Variants in MYO1C observed in about 807,000 individuals in gnomAD.
MYO1C encodes unconventional myosin-Ic.
A neutral mutation model predicts 150.8 loss-of-function variants in MYO1C; 104 were observed. The ratio of observed to expected loss-of-function variants is 0.69; its 90% CI spans 0.59 to 0.81. The LOEUF is 0.81. Among genes scored for constraint, MYO1C ranks in the 30% least tolerant of loss-of-function variants. The probability of loss-of-function intolerance (pLI) is 0.00; values close to 1 mark genes in which losing one functional copy is unlikely to be tolerated. For missense variants in MYO1C, 1,504 were observed against 1,435.0 expected, an observed-to-expected ratio of 1.05 and a Z score of -0.78; for synonymous variants, 663 against 579.9, an observed-to-expected ratio of 1.14 and a Z score of -2.06.
intron 1 of MYO1C, chr17:1,484,642 T>G (rs932528945): frequency 1.0e-5 from 5 of 491,948 alleles, no homozygotes; most frequent in African/African-American, 9.8e-5. Flanking sequence ...AGGTGCTGGT[T>G]TTGGGTGGAG....
At chr17:1,486,212 C>G (rs1404334487) in intron 1 of MYO1C, 1 of 152,258 alleles carries the variant, frequency 6.6e-6, no homozygotes, top group African/African-American at 2.4e-5. Flanking sequence ...GGCCGGCGCG[C>G]CCGGCGGGCG....
chr17:1,491,555 A>C (rs959434874), intron 1 of MYO1C: 1 of 873,698 alleles, frequency 1.1e-6, no homozygotes, highest in Non-Finnish European at 1.3e-6. Flanking sequence ...CCCGCTCCCC[A>C]CACCCGCCCC....
At position 1,484,318 on chromosome 17, in the gene MYO1C, C is replaced by A; in HGVS notation, c.76-15G>T. The A allele has an allele frequency of 6.2e-7, 1 of 1,607,654 alleles. No individual in the cohort carries two copies. Among genetic ancestry groups the A allele is most frequent in the Non-Finnish European group, 8.5e-7 (1 of 1,179,980 alleles). On this transcript the variant is annotated splice_polypyrimidine_tract_variant and intron_variant, in intron 1 of 31. Coordinates refer to ENST00000648651, the MANE Select transcript of MYO1C (RefSeq NM_001080779.2). ...CTGCCCAGGGCCTGCAGAGAATGGG[C>A]CACAGAAGAGGGTCAGAGTCATCGG...
Position 1,471,996 on chromosome 17 carries a change from G to A in MYO1C, c.1932C>T (p.His644=). The A allele has an allele frequency of 6.2e-7, 1 of 1,614,070 alleles. No individual in the cohort carries two copies. Among genetic ancestry groups the A allele is most frequent in the Non-Finnish European group, 8.5e-7 (1 of 1,179,996 alleles). The part of the protein sequence containing the change: ...PGRFDEVLIR[H]QVKYLGLLEN... Reference sequence around the variant, plus strand: ...CCAACAGCCCCAGGTACTTCACCTGGTGGCGGATCAGCACCTCGTCAAAGC... The same window carrying A: ...CCAACAGCCCCAGGTACTTCACCTGATGGCGGATCAGCACCTCGTCAAAGC... Residue 644 remains histidine, a synonymous_variant, in exon 19 of 32, where the codon CAC becomes CAT. Coordinates refer to ENST00000648651, the MANE Select transcript of MYO1C (RefSeq NM_001080779.2).
intron 2 of MYO1C, 150 bp downstream of exon 2, chr17:1,483,998 C>G: frequency 1.0e-6 from 1 of 1,000,934 alleles, no homozygotes; most frequent in Non-Finnish European, 1.5e-6. Flanking sequence ...GCTGAGATCG[C>G]GCCACTGCAC....
At chr17:1,477,451 C>T in intron 14 of MYO1C, 54 bp downstream of exon 14, 1 of 1,533,632 alleles carries the variant, frequency 6.5e-7, no homozygotes, top group South Asian at 1.1e-5. Context: ...CTGCACTCCG[C>T]AGGCTCTGCT....
At position 1,471,339 on chromosome 17, in the gene MYO1C, G is replaced by A. The variant is rs749561378; in HGVS notation, c.2022-3C>T. 37 of 1,613,216 alleles carry A rather than the reference G, an allele frequency of 2.3e-5. No homozygotes were observed. The highest frequency in any genetic ancestry group is 3.3e-4 in the Middle Eastern group (2 of 6,084). On this transcript the variant is annotated splice_region_variant and splice_polypyrimidine_tract_variant and intron_variant, in intron 19 of 31. Coordinates refer to ENST00000648651, the MANE Select transcript of MYO1C (RefSeq NM_001080779.2). ...TCTCTGGGCACAGTGACTTGTACCTGGGGACAGGAATGCACGCGGCTCCCA... is the reference window on the plus strand; with the variant it reads ...TCTCTGGGCACAGTGACTTGTACCTAGGGACAGGAATGCACGCGGCTCCCA...
chr17:1,469,344 G>A, intron 25 of MYO1C, 187 bp downstream of exon 25: 1 of 639,916 alleles, frequency 1.6e-6, no homozygotes, highest in South Asian at 1.7e-5. Context: ...CGGTAGGCGG[G>A]GTAAATACGG....
intron 17 of MYO1C, among the ~76,000 whole-genome samples, chr17:1,472,559 G>A (rs1050321953): frequency 3.2e-4 from 48 of 152,222 alleles, no homozygotes; most frequent in Admixed American, 3.1e-3. Context: ...TAAACAGCAT[G>A]TCCCATGCTA....
chr17:1,473,033 T>G (rs2074335959), intron 17 of MYO1C, among the ~76,000 whole-genome samples: 1 of 152,064 alleles, frequency 6.6e-6, no homozygotes, highest in South Asian at 2.1e-4. Flanking sequence ...AAACCCCATC[T>G]CTACAAAAAT....
In MYO1C at chr17:1,477,571, T is replaced by TC; in HGVS notation, c.1507dup (p.Glu503GlyfsTer28). On this transcript the variant is annotated frameshift_variant, in exon 14 of 32. Coordinates refer to ENST00000648651, the MANE Select transcript of MYO1C (RefSeq NM_001080779.2). LOFTEE classifies it high-confidence loss of function. ...CTCCAGGAAGGTCAGGTCTGTGGCC[T>TC]CCCCGGGGCGCAGACACTCCTCATC... The TC allele has an allele frequency of 6.2e-7, 1 of 1,613,224 alleles. No individual in the cohort carries two copies. Among genetic ancestry groups the TC allele is most frequent in the South Asian group, 1.1e-5 (1 of 91,070 alleles).
At chr17:1,469,034 C>G (rs2074239985) in intron 25 of MYO1C, 1 of 298,104 alleles carries the variant, frequency 3.4e-6, no homozygotes, top group Non-Finnish European at 6.5e-6. Flanking sequence ...CAGCTGTACT[C>G]CAGTGTCCAC....
intron 25 of MYO1C, 55 bp downstream of exon 25, chr17:1,469,476 G>A: frequency 2.0e-6 from 3 of 1,477,402 alleles, no homozygotes; most frequent in South Asian, 2.4e-5. Flanking sequence ...TTTGAGCAAT[G>A]CTTGCGACTC....
intron 25 of MYO1C, 112 bp downstream of exon 25, chr17:1,469,419 C>A: frequency 9.5e-7 from 1 of 1,047,222 alleles, no homozygotes; most frequent in South Asian, 1.4e-5. Context: ...CGGTAGAACG[C>A]GGTAAATACG....
At chr17:1,482,095 G>C (rs561900951) in intron 5 of MYO1C, among the ~76,000 whole-genome samples, 1 of 152,122 alleles carries the variant, frequency 6.6e-6, no homozygotes, top group East Asian at 1.9e-4. Flanking sequence ...AGCCCAAGCT[G>C]GAGTACAGTG....
At chr17:1,474,774 T>TCCCCCCCCCCCCCCCCCCCCCCC in intron 16 of MYO1C, 38 bp downstream of exon 16, 7 of 1,597,368 alleles carry the variant, frequency 4.4e-6, no homozygotes, top group Non-Finnish European at 6.0e-6. Flanking sequence ...CTGTGGGCTA[T>TCCCCCCCCCCCCCCCCCCCCCCC]CCCCACCCCC....
At chr17:1,471,000 G>A in intron 21 of MYO1C, 71 bp downstream of exon 21, 2 of 1,499,874 alleles carry the variant, frequency 1.3e-6, no homozygotes, top group Non-Finnish European at 1.9e-6. Flanking sequence ...TGGAGAAGGA[G>A]CCCAAGGGAG....
Position 1,492,494 on chromosome 17 carries a change from C to T in MYO1C, c.-7G>A, listed in dbSNP as rs1420714623. 6.3e-7 allele frequency: 1 copy of T among 1,596,368 alleles called. No homozygotes were observed. Among genetic ancestry groups the T allele is most frequent in the Non-Finnish European group, 8.5e-7 (1 of 1,171,956 alleles). ...GCTCCACTTGCAGCGCCATTCCGCC[C>T]TGCGGAGAGCCAGCGGCCTGGGCAC... On this transcript the variant is annotated 5_prime_UTR_variant, in exon 1 of 32. Transcript: ENST00000648651.
chr17:1,469,725 A>G (rs2150934371), intron 24 of MYO1C, 111 bp from the exon 25 acceptor site: 2 of 924,998 alleles, frequency 2.2e-6, no homozygotes, highest in East Asian at 5.3e-5. Flanking sequence ...CTCCATCTGG[A>G]GACGCTTCCG....
Sources: gnomAD v4.1 joint callset for allele counts (sites outside exome capture counted in the v4.1 genomes callset) on GRCh38, gnomAD v4.1.1 for gene constraint, MANE v1.5 for transcripts, NCBI Gene and HGNC (gene_info 2026-07-23, HGNC 2026-07-21) for gene names.